BPHL: variants seen among roughly 807,000 people sequenced by gnomAD.
BPHL encodes the protein biphenyl hydrolase like.
BPHL carries 27 observed loss-of-function variants against 31.2 expected under a neutral mutation model. The ratio of observed to expected loss-of-function variants is 0.87; its 90% confidence interval spans 0.64 to 1.19. The LOEUF (loss-of-function observed/expected upper bound fraction) is 1.19. BPHL is among the 50% of genes most tolerant of loss of function. The pLI is 0.00. For synonymous variants in BPHL, 150 were observed against 146.8 expected (o/e 1.02, Z -0.16); for missense variants, 356 against 375.7 (o/e 0.95, Z 0.43).
intron 4 of BPHL, among the ~76,000 whole-genome samples, chr6:3,132,101 G>A (rs561584466): frequency 2.0e-5 from 3 of 152,046 alleles, no homozygotes; most frequent in Non-Finnish European, 1.5e-5. Flanking sequence ...CTGACGTCTC[G>A]CTACTTCCCC....
intron 5 of BPHL, chr6:3,138,007 A>G (rs944326299): frequency 1.1e-5 from 14 of 1,280,264 alleles, no homozygotes; most frequent in African/African-American, 7.6e-5. Flanking sequence ...AACCATGAAC[A>G]ATGCACAAAT....
intron 2 of BPHL, chr6:3,126,731 G>A (rs1364337614): frequency 6.6e-6 from 1 of 152,054 alleles, no homozygotes; most frequent in South Asian, 2.1e-4. Context: ...TGGGATTACA[G>A]GCGTGAGCCA....
intron 4 of BPHL, among the ~76,000 whole-genome samples, chr6:3,135,369 G>C (rs1284527634): frequency 6.6e-6 from 1 of 152,168 alleles, no homozygotes; most frequent in African/African-American, 2.4e-5. Flanking sequence ...GAAGTTTCCT[G>C]TCCGTCTACG....
chr6:3,121,731 C>T (rs906681893), intron 1 of BPHL, among the ~76,000 whole-genome samples: 4 of 152,154 alleles, frequency 2.6e-5, no homozygotes, highest in Admixed American at 2.6e-4. Flanking sequence ...ATTGATGCCC[C>T]TTTAATAATA....
At chr6:3,130,249 C>T (rs546971716) in intron 4 of BPHL, among the ~76,000 whole-genome samples, 4 of 152,216 alleles carry the variant, frequency 2.6e-5, no homozygotes, top group Non-Finnish European at 5.9e-5. Flanking sequence ...TGGGGTGTCC[C>T]TTTACCACCC....
intron 6 of BPHL, among the ~76,000 whole-genome samples, chr6:3,142,311 G>C (rs1762200753): frequency 1.3e-5 from 2 of 152,002 alleles, no homozygotes; most frequent in South Asian, 4.1e-4. Context: ...TAGAGACGGG[G>C]TTTCACTGTG....
At chr6:3,148,296 G>T (rs766654615) in intron 6 of BPHL, among the ~76,000 whole-genome samples, 4 of 152,226 alleles carry the variant, frequency 2.6e-5, no homozygotes, top group Admixed American at 6.5e-5. Flanking sequence ...CAGAAGGGAA[G>T]GAAGGGCCTC....
At position 3,140,468 on chromosome 6, in the gene BPHL, G is replaced by A. The variant is rs2113767122; in HGVS notation, c.747G>A (p.Arg249=). ...VHGEKDPLVP[R]FHADFIHKHV... ...GTGAGAAGGATCCTCTGGTCCCACG[G>A]TTTCATGCCGACTTCATTCATAAGC... Residue 249 remains arginine (R), a synonymous_variant, in exon 6 of 7, where the codon CGG becomes CGA. Coordinates refer to ENST00000380379, the MANE Select transcript of BPHL (RefSeq NM_004332.4). The surrounding 1 kb of genome is among the most constrained non-coding windows in gnomAD (Gnocchi z 5.2). The A allele has an allele frequency of 1.9e-6, 3 of 1,614,118 alleles. No homozygotes were observed. The highest frequency in any genetic ancestry group is 2.2e-5 in the East Asian group (1 of 44,874).
At chr6:3,121,489 G>A (rs1278935522) in intron 1 of BPHL, among the ~76,000 whole-genome samples, 1 of 151,880 alleles carries the variant, frequency 6.6e-6, no homozygotes, top group Non-Finnish European at 1.5e-5. Flanking sequence ...TATTTTAGTA[G>A]AGATGGCGTT....
In BPHL at chr6:3,137,429, C is replaced by T. The variant is rs945461499; in HGVS notation, c.600C>T (p.Asp200=). Residue 200 remains aspartate (D), a synonymous_variant, in exon 5 of 7, where the codon GAC becomes GAT. Transcript: ENST00000380379. ...CTCTAGAAGCCCTCTATGGGTATGA[C>T]TACTTTGCCAGAACCTGTGAAAAGT... The part of the protein sequence containing the change: ...RKPLEALYGY[D]YFARTCEKWV... 3 of 1,613,088 alleles carry T rather than the reference C, an allele frequency of 1.9e-6. No homozygotes were observed. The highest frequency in any genetic ancestry group is 2.5e-6 in the Non-Finnish European group (3 of 1,179,864).
chr6:3,124,927 A>G (rs1271545435), intron 2 of BPHL, among the ~76,000 whole-genome samples: 2 of 152,248 alleles, frequency 1.3e-5, no homozygotes, highest in Non-Finnish European at 2.9e-5. Flanking sequence ...CCTGATGAAC[A>G]AGGACACTGA....
At chr6:3,150,647 T>G (rs927302725) in intron 6 of BPHL, among the ~76,000 whole-genome samples, 5 of 152,186 alleles carry the variant, frequency 3.3e-5, no homozygotes, top group African/African-American at 4.8e-5. Flanking sequence ...AGCATGTGAT[T>G]AGATCTTTTT....
intron 4 of BPHL, among the ~76,000 whole-genome samples, chr6:3,133,723 C>T (rs761163698): frequency 1.8e-4 from 27 of 152,196 alleles, no homozygotes; most frequent in Non-Finnish European, 2.5e-4. Flanking sequence ...AAGCCCTCAC[C>T]GCCGCCACCC....
chr6:3,135,691 G>A (rs1261919995), intron 4 of BPHL, among the ~76,000 whole-genome samples: 1 of 151,986 alleles, frequency 6.6e-6, no homozygotes, highest in Non-Finnish European at 1.5e-5. Flanking sequence ...TCTGCGTGGT[G>A]TTCTGCATAA....
chr6:3,134,229 G>A (rs558559737), intron 4 of BPHL, among the ~76,000 whole-genome samples: 2 of 152,100 alleles, frequency 1.3e-5, no homozygotes, highest in South Asian at 2.1e-4. Flanking sequence ...CGACCCCGCC[G>A]CTGTCCACCC....
At chr6:3,145,719 A>G (rs2807997) in intron 6 of BPHL, among the ~76,000 whole-genome samples, 12 of 27,712 alleles carry the variant, frequency 4.3e-4, no homozygotes, top group South Asian at 1.1e-3. Flanking sequence ...TGCTGGTTCC[A>G]GCTGGAGTGC....
intron 1 of BPHL, among the ~76,000 whole-genome samples, chr6:3,123,314 T>C (rs1330257812): frequency 6.6e-6 from 1 of 152,246 alleles, no homozygotes; most frequent in Non-Finnish European, 1.5e-5. Context: ...GATTTTCCTC[T>C]GGGGGTGGAT....
At chr6:3,130,201 A>G (rs1761835371) in intron 4 of BPHL, among the ~76,000 whole-genome samples, 1 of 152,130 alleles carries the variant, frequency 6.6e-6, no homozygotes, top group Admixed American at 6.5e-5. Context: ...CCACGTACCA[A>G]TCGAGGTGGC....
intron 4 of BPHL, among the ~76,000 whole-genome samples, chr6:3,134,155 A>T (rs991110290): frequency 6.6e-6 from 1 of 152,116 alleles, no homozygotes; most frequent in African/African-American, 2.4e-5. Flanking sequence ...GTTTTTTGTT[A>T]TGTAATAATT....
Sources: allele counts gnomAD v4.1 joint callset (sites outside exome capture counted in the v4.1 genomes callset), GRCh38; gene constraint gnomAD v4.1.1; non-coding constraint Gnocchi (gnomAD v3.1); transcripts MANE v1.5; gene names NCBI Gene and HGNC (gene_info 2026-07-23, HGNC 2026-07-21).